TCF7L2: variants seen among roughly 807,000 people sequenced by gnomAD.
TCF7L2 encodes the protein transcription factor 7 like 2, also known as transcription factor 7-like 2.
A neutral mutation model predicts 77.9 loss-of-function variants in TCF7L2; 23 were observed. The observed-to-expected ratio is 0.30, with a 90% CI of 0.21 to 0.42. The LOEUF (loss-of-function observed/expected upper bound fraction) is 0.42, where lower values mean the gene tolerates loss of function less well. Among genes scored for constraint, TCF7L2 ranks in the 10% least tolerant of loss-of-function variants. TCF7L2 has a pLI of 1.00. For missense variants in TCF7L2, 654 were observed against 793.1 expected (o/e 0.82, Z 2.11); for synonymous variants, 413 against 340.2 (o/e 1.21, Z -2.36).
At chr10:113,033,139 T>C (rs1047752357) in intron 4 of TCF7L2, among the ~76,000 whole-genome samples, 2 of 152,124 alleles carry the variant, frequency 1.3e-5, no homozygotes, top group Non-Finnish European at 2.9e-5. Flanking sequence ...AATCTTTTTC[T>C]TTTTTATCTT....
chr10:113,158,754 A>G, intron 12 of TCF7L2, 37 bp downstream of exon 13: 1 of 1,590,152 alleles, frequency 6.3e-7, no homozygotes, highest in East Asian at 2.2e-5. Context: ...AATAGTTGAT[A>G]AACTGTTTTT....
chr10:113,077,346 T>A (rs1307678742), intron 5 of TCF7L2, among the ~76,000 whole-genome samples: 1 of 152,214 alleles, frequency 6.6e-6, no homozygotes, highest in Non-Finnish European at 1.5e-5. Context: ...ATAAGTTTAG[T>A]CACATACCAT....
chr10:113,029,399 A>G (rs902422782), intron 4 of TCF7L2, among the ~76,000 whole-genome samples: 1 of 152,300 alleles, frequency 6.6e-6, no homozygotes, highest in Non-Finnish European at 1.5e-5. Flanking sequence ...CACATTTGGA[A>G]AAATTGCTTG....
chr10:113,002,989 TAAAAG>T (rs1310577039), intron 4 of TCF7L2, among the ~76,000 whole-genome samples: 1 of 152,164 alleles, frequency 6.6e-6, no homozygotes, highest in Non-Finnish European at 1.5e-5. Flanking sequence ...CACACAAAAA[TAAAAG>T]GAAATATTTA....
intron 4 of TCF7L2, among the ~76,000 whole-genome samples, chr10:112,974,861 T>A (rs2135024766): frequency 6.6e-6 from 1 of 152,306 alleles, no homozygotes; most frequent in East Asian, 1.9e-4. Flanking sequence ...TCTAAATGGG[T>A]TGTGACCAAC....
At chr10:113,039,693 C>T (rs1450712406) in intron 4 of TCF7L2, among the ~76,000 whole-genome samples, 1 of 151,974 alleles carries the variant, frequency 6.6e-6, no homozygotes, top group Non-Finnish European at 1.5e-5. Context: ...TCTTTCCTCT[C>T]CCTCCCCACC....
At chr10:113,005,170 G>A (rs759570691) in intron 4 of TCF7L2, among the ~76,000 whole-genome samples, 4 of 152,208 alleles carry the variant, frequency 2.6e-5, no homozygotes, top group East Asian at 1.9e-4. Context: ...GGTTCTTAGC[G>A]CTGAAGACGG....
At chr10:113,008,699 C>T (rs1190461385) in intron 4 of TCF7L2, among the ~76,000 whole-genome samples, 3 of 152,140 alleles carry the variant, frequency 2.0e-5, no homozygotes, top group South Asian at 2.1e-4. Flanking sequence ...AATCCCGTAA[C>T]GGCTAAAGTA....
At chr10:112,967,194 A>G (rs746183195) in intron 4 of TCF7L2, among the ~76,000 whole-genome samples, 5 of 152,200 alleles carry the variant, frequency 3.3e-5, no homozygotes, top group Non-Finnish European at 7.3e-5. Context: ...TCCATTCTCC[A>G]ACTTAAGACT....
chr10:113,144,061 C>T (rs2136933407), intron 7 of TCF7L2, 36 bp downstream of exon 7: 1 of 1,507,630 alleles, frequency 6.6e-7, no homozygotes, highest in East Asian at 2.3e-5. Flanking sequence ...CTTTTTGTTT[C>T]TTACATGGGC....
chr10:113,137,003 A>G (rs1489502115), intron 5 of TCF7L2, among the ~76,000 whole-genome samples: 2 of 149,958 alleles, frequency 1.3e-5, no homozygotes, highest in Non-Finnish European at 3.0e-5. Flanking sequence ...GGAAGGGACC[A>G]TGATCATCTC....
At chr10:112,964,805 G>GTGA (rs1564719276) in intron 4 of TCF7L2, among the ~76,000 whole-genome samples, 181 bp downstream of exon 4, 151 of 133,776 alleles carry the variant, frequency 1.1e-3, no homozygotes, top group African/African-American at 4.0e-3. Flanking sequence ...GGTGGTGGTG[G>GTGA]TGGTGGTGGG....
intron 4 of TCF7L2, among the ~76,000 whole-genome samples, 195 bp downstream of exon 4, chr10:112,964,819 G>GTGATGGTGGTGGTGGTGAT: frequency 7.2e-6 from 1 of 138,690 alleles, no homozygotes; most frequent in Middle Eastern, 3.7e-3. Flanking sequence ...TGGTGGGGGG[G>GTGATGGTGGTGGTGGTGAT]GGTTGAATCA....
intron 3 of TCF7L2, among the ~76,000 whole-genome samples, chr10:112,952,262 C>G (rs138820252): frequency 2.0e-5 from 3 of 152,198 alleles, no homozygotes; most frequent in Non-Finnish European, 4.4e-5. Context: ...TGCTGGCTCT[C>G]GGCCCTCCTT....
intron 4 of TCF7L2, among the ~76,000 whole-genome samples, chr10:113,030,171 C>A (rs557250009): frequency 6.6e-6 from 1 of 152,170 alleles, no homozygotes; most frequent in Non-Finnish European, 1.5e-5. Context: ...GAATCATACA[C>A]CATGAAACTT....
At chr10:113,050,919 C>T (rs1420781163) in intron 5 of TCF7L2, among the ~76,000 whole-genome samples, 1 of 152,054 alleles carries the variant, frequency 6.6e-6, no homozygotes, top group Non-Finnish European at 1.5e-5. Flanking sequence ...AGAATAACAC[C>T]CAGGTGCTGA....
At chr10:112,956,184 C>T (rs2033540354) in intron 3 of TCF7L2, among the ~76,000 whole-genome samples, 3 of 151,900 alleles carry the variant, frequency 2.0e-5, no homozygotes, top group African/African-American at 4.8e-5. Context: ...ACTAAAACTC[C>T]GAGGACCTTT....
At chr10:112,979,800 GT>G in intron 4 of TCF7L2, among the ~76,000 whole-genome samples, 1 of 152,018 alleles carries the variant, frequency 6.6e-6, no homozygotes, top group South Asian at 2.1e-4. Flanking sequence ...AGACCTCACA[GT>G]TATGTTTCAA....
At chr10:113,118,336 T>G (rs1356105716) in intron 5 of TCF7L2, among the ~76,000 whole-genome samples, 1 of 152,044 alleles carries the variant, frequency 6.6e-6, no homozygotes, top group Non-Finnish European at 1.5e-5. Context: ...AGAGGGGAAA[T>G]TTTACTGGAA....
Sources: allele counts gnomAD v4.1 joint callset (sites outside exome capture counted in the v4.1 genomes callset), GRCh38; gene constraint gnomAD v4.1.1; transcripts MANE v1.5; gene names NCBI Gene and HGNC (gene_info 2026-07-23, HGNC 2026-07-21).